The following RAPGEF2 variants were observed in gnomAD, a reference collection of about 807,000 sequenced individuals.
RAPGEF2 encodes the protein Rap guanine nucleotide exchange factor 2, also known as PDZ domain containing guanine nucleotide exchange factor (GEF) 1.
In RAPGEF2, 54 loss-of-function variants were observed where a neutral mutation model predicts 186.7. That is an observed-to-expected ratio of 0.29 (90% CI 0.23 to 0.36). RAPGEF2 has a LOEUF of 0.36. RAPGEF2 is among the 10% of genes least tolerant of loss of function. RAPGEF2 has a pLI of 1.00. For missense variants in RAPGEF2, 1,532 were observed against 2,045.0 expected (o/e 0.75, Z 4.84); for synonymous variants, 712 against 705.9 (o/e 1.01, Z -0.14).
intron 1 of RAPGEF2, among the ~76,000 whole-genome samples, chr4:159,156,044 A>G (rs1452273959): frequency 2.0e-5 from 3 of 152,186 alleles, no homozygotes; most frequent in Non-Finnish European, 4.4e-5. Flanking sequence ...AACACTGTGT[A>G]CTTGTTATGT....
chr4:159,267,608 C>A, intron 7 of RAPGEF2: 1 of 532,330 alleles, frequency 1.9e-6, no homozygotes, highest in Non-Finnish European at 2.6e-6. Context: ...TTTTTTCTTT[C>A]TTTCATTTTC....
intron 16 of RAPGEF2, 94 bp downstream of exon 16, chr4:159,332,128 AT>A: frequency 1.2e-6 from 1 of 816,864 alleles, no homozygotes; most frequent in Non-Finnish European, 1.9e-6. Context: ...AAAAGCATAG[AT>A]TAGATCTAAA....
rs200220081 is a variant in RAPGEF2 at position 159,353,757 on chromosome 4, C to G, written c.4362C>G (p.Ser1454Arg). 2.0e-4 allele frequency: 327 copies of G among 1,613,508 alleles called. No individual in the cohort carries two copies. The highest frequency in any genetic ancestry group is 4.9e-4 in the Middle Eastern group (3 of 6,080). Residue 1454 changes from serine to arginine, a missense_variant, in exon 28 of 30, where the codon AGC becomes AGG. By Grantham distance (110) the Ser-to-Arg change is moderately radical (BLOSUM62 -1). This residue lies in a region of RAPGEF2 where 594 missense variants were observed against 608.5 expected (regional missense o/e 0.98). Transcript: ENST00000691494. This position sits in a 1 kb window ranked among gnomAD's most constrained non-coding sequence, Gnocchi z 4.3. ...CTGCAGGTTTATGGGCATCAAGCAG[C>G]CATATGGACCAAATTATGTTTTCTG... is the stretch of plus-strand genomic sequence containing the variant. ...GDPAGLWASS[S>R]HMDQIMFSDH...
intron 9 of RAPGEF2, among the ~76,000 whole-genome samples, chr4:159,316,143 C>T (rs1032857444): frequency 2.0e-5 from 3 of 152,166 alleles, no homozygotes; most frequent in Non-Finnish European, 2.9e-5. Flanking sequence ...CCTGTCTGGG[C>T]GTAACAGAAG....
At chr4:159,274,932 C>T (rs904002048) in intron 7 of RAPGEF2, among the ~76,000 whole-genome samples, 2 of 152,108 alleles carry the variant, frequency 1.3e-5, no homozygotes, top group African/African-American at 4.8e-5. Flanking sequence ...CACTGTCTTT[C>T]CTATTGGTGC....
intron 7 of RAPGEF2, among the ~76,000 whole-genome samples, chr4:159,265,935 C>G (rs969924182): frequency 6.6e-5 from 10 of 152,134 alleles, no homozygotes; most frequent in Admixed American, 1.3e-4. Flanking sequence ...AATGGCATAA[C>G]AGGATCACTA....
intron 7 of RAPGEF2, among the ~76,000 whole-genome samples, chr4:159,248,308 G>C (rs1357296198): frequency 2.0e-5 from 3 of 152,156 alleles, no homozygotes; most frequent in African/African-American, 4.8e-5. Context: ...GATGAAGAGA[G>C]AGTGTTAGAG....
intron 26 of RAPGEF2, chr4:159,352,481 C>T: frequency 3.8e-6 from 2 of 527,552 alleles, no homozygotes; most frequent in Non-Finnish European, 6.7e-6. Context: ...TTTTTCCTCT[C>T]TAAACTTCGA....
intron 1 of RAPGEF2, among the ~76,000 whole-genome samples, chr4:159,124,144 T>C (rs1418983644): frequency 6.6e-6 from 1 of 151,946 alleles, no homozygotes; most frequent in Admixed American, 6.6e-5. Flanking sequence ...CGTGAGCCAC[T>C]GCACCCGGCC....
Position 159,354,022 on chromosome 4 carries a change from T to G in RAPGEF2, c.4627T>G (p.Ser1543Ala). The change falls in exon 28 of 30, where the codon TCA becomes GCA. Residue 1543 changes from serine to alanine, a missense_variant. Ser to Ala is a moderately conservative substitution (Grantham distance 99, BLOSUM62 1). Around this residue, in one of 4 missense-constraint regions of RAPGEF2, gnomAD observed 594 missense variants for 608.5 expected, o/e 0.98. Coordinates refer to ENST00000691494, the MANE Select transcript of RAPGEF2 (RefSeq NM_001394067.2). ...VPMPAHIAVA[S>A]STTKGLIARK... Reference sequence around the variant, plus strand: ...CATGCCTGCCCACATAGCTGTGGCATCAAGTACTACAAAGGGGCTCATTGG... The same window carrying G: ...CATGCCTGCCCACATAGCTGTGGCAGCAAGTACTACAAAGGGGCTCATTGG... 1 of 1,600,604 alleles carries G rather than the reference T, an allele frequency of 6.2e-7. No homozygotes were observed.
chr4:159,160,720 A>C (rs1409885316), intron 1 of RAPGEF2, among the ~76,000 whole-genome samples: 1 of 152,214 alleles, frequency 6.6e-6, no homozygotes, highest in Non-Finnish European at 1.5e-5. Context: ...TAACGACTCC[A>C]AAAGGAAGTG....
chr4:159,329,271 A>G (rs1766340664), intron 11 of RAPGEF2: 1 of 152,170 alleles, frequency 6.6e-6, no homozygotes, highest in South Asian at 2.1e-4. Flanking sequence ...CTTTAAGAGC[A>G]AGGATTACCC....
intron 1 of RAPGEF2, among the ~76,000 whole-genome samples, chr4:159,138,930 C>T (rs1742023559): frequency 6.6e-6 from 1 of 152,068 alleles, no homozygotes; most frequent in Non-Finnish European, 1.5e-5. Flanking sequence ...GGGACAGTAA[C>T]GAATTGAAAT....
At chr4:159,127,758 G>A (rs1408798175) in intron 1 of RAPGEF2, among the ~76,000 whole-genome samples, 1 of 152,014 alleles carries the variant, frequency 6.6e-6, no homozygotes, top group Non-Finnish European at 1.5e-5. Flanking sequence ...ATACTAATGG[G>A]GTATATAGCT....
intron 9 of RAPGEF2, among the ~76,000 whole-genome samples, chr4:159,320,181 G>A (rs1391681517): frequency 6.6e-6 from 1 of 152,142 alleles, no homozygotes; most frequent in African/African-American, 2.4e-5. Flanking sequence ...GCTGGAAGCT[G>A]CAGAATTAAC....
chr4:159,239,876 C>T (rs1753752431), intron 5 of RAPGEF2, among the ~76,000 whole-genome samples: 1 of 152,144 alleles, frequency 6.6e-6, no homozygotes, highest in South Asian at 2.1e-4. Context: ...AATTCTAGGT[C>T]TCTTTTCAGA....
intron 4 of RAPGEF2, among the ~76,000 whole-genome samples, chr4:159,235,400 T>C (rs180688224): frequency 1.3e-5 from 2 of 152,250 alleles, no homozygotes; most frequent in Non-Finnish European, 2.9e-5. Context: ...AAATGCTCTG[T>C]GCATTTGATC....
In RAPGEF2 at chr4:159,331,493, A is replaced by T. The variant is rs1426259848; in HGVS notation, c.1530A>T (p.Ala510=). 3 of 1,613,666 alleles carry T rather than the reference A, an allele frequency of 1.9e-6. No homozygotes were observed. Among genetic ancestry groups the T allele is most frequent in the African/African-American group, 2.7e-5 (2 of 75,046 alleles). ...NHFNDFEGDP[A]MTRFLEEFEN... Reference sequence around the variant, plus strand: ...TCAATGACTTTGAAGGAGATCCTGCAATGACTCGATTTTTAGAAGAATTTG... The same window carrying T: ...TCAATGACTTTGAAGGAGATCCTGCTATGACTCGATTTTTAGAAGAATTTG... Residue 510 remains alanine (A), a synonymous_variant, in exon 14 of 30, where the codon GCA becomes GCT. Coordinates refer to ENST00000691494, the MANE Select transcript of RAPGEF2 (RefSeq NM_001394067.2).
chr4:159,355,580 G>GGACA (rs1272685010), intron 28 of RAPGEF2, among the ~76,000 whole-genome samples: 1 of 152,102 alleles, frequency 6.6e-6, no homozygotes, highest in Non-Finnish European at 1.5e-5. Context: ...CATTTTAAAT[G>GGACA]GACAAGCAGC....
Sources: gnomAD v4.1 joint callset for allele counts (sites outside exome capture counted in the v4.1 genomes callset) on GRCh38, gnomAD v4.1.1 for gene constraint, gnomAD v4.1.1 regional missense constraint, Gnocchi (gnomAD v3.1) non-coding constraint, MANE v1.5 for transcripts, NCBI Gene and HGNC (gene_info 2026-07-23, HGNC 2026-07-21) for gene names.